Variants in RAPGEF1 observed in about 807,000 individuals in gnomAD.
RAPGEF1 encodes the protein CRK SH3-binding GNRP.
Under a neutral mutation model 143.3 loss-of-function variants are expected in RAPGEF1, and 33 were observed. That is an observed-to-expected ratio of 0.23 (90% CI 0.17 to 0.31). The LOEUF (loss-of-function observed/expected upper bound fraction) is 0.31. RAPGEF1 is among the 10% of genes least tolerant of loss of function. RAPGEF1 has a pLI of 1.00. For synonymous variants in RAPGEF1, 629 were observed against 676.5 expected (o/e 0.93, Z 1.09); for missense variants, 1,199 against 1,645.4 (o/e 0.73, Z 4.69).
chr9:131,727,066 T>C (rs937024449), intron 1 of RAPGEF1, among the ~76,000 whole-genome samples: 2 of 152,146 alleles, frequency 1.3e-5, no homozygotes, highest in African/African-American at 4.8e-5. Flanking sequence ...CATAATTTTT[T>C]TTTAAACCTC....
chr9:131,602,152 G>C lies in RAPGEF1; in HGVS notation c.2413-3C>G, dbSNP rs1956375009. The C allele has an allele frequency of 6.3e-7, 1 of 1,578,048 alleles. No homozygotes were observed. The highest frequency in any genetic ancestry group is 1.3e-5 in the African/African-American group (1 of 74,126). On this transcript the variant is annotated splice_region_variant and splice_polypyrimidine_tract_variant and intron_variant, in intron 14 of 26. Coordinates refer to ENST00000683357, the MANE Select transcript of RAPGEF1 (RefSeq NM_001377935.1). ...CCGTCTTTCCCAGCCGGTGGCTCCT[G>C]GAAAGAGGAGTGGGTGCTGAGTTCT...
In RAPGEF1 at chr9:131,628,236, C is replaced by T. The variant is rs184795443; in HGVS notation, c.1018-140G>A. The T allele has an allele frequency of 1.2e-5, 10 of 853,914 alleles. No homozygotes were observed. The highest frequency in any genetic ancestry group is 3.1e-4 in the Middle Eastern group (1 of 3,202). 52.9% of individuals were successfully genotyped at this position (853,914 alleles called of 1,614,324 possible). On this transcript the variant is annotated intron_variant, in intron 8 of 26. Transcript: ENST00000683357. The surrounding 1 kb of genome is among the most constrained non-coding windows in gnomAD (Gnocchi z 5.7). Reference sequence around the variant, plus strand: ...AGAAACCACCTCTGACGTCAGTAGTCGAAGGACACATACAGCTGAGAAGCA... The same window carrying T: ...AGAAACCACCTCTGACGTCAGTAGTTGAAGGACACATACAGCTGAGAAGCA...
rs1046007370 is a variant in RAPGEF1, at chr9:131,621,761, C to A, written c.1905+35G>T. ...CTGGTTCCTAGAGACCTGCTAGGAT[C>A]GGAAGTTCTAGTCACAAGGGAAGGT... On this transcript the variant is annotated intron_variant, in intron 11 of 26. Coordinates refer to ENST00000683357, the MANE Select transcript of RAPGEF1 (RefSeq NM_001377935.1). This position sits in a 1 kb window ranked among gnomAD's most constrained non-coding sequence, Gnocchi z 4.5. 3.8e-6 allele frequency: 6 copies of A among 1,561,740 alleles called. No individual in the cohort carries two copies. Among genetic ancestry groups the A allele is most frequent in the African/African-American group, 2.7e-5 (2 of 73,894 alleles).
intron 3 of RAPGEF1, among the ~76,000 whole-genome samples, chr9:131,646,919 C>T (rs1334883161): frequency 6.6e-6 from 1 of 152,186 alleles, no homozygotes; most frequent in East Asian, 1.9e-4. Flanking sequence ...ACCAGGCTGT[C>T]CGGCAGCAGC....
intron 24 of RAPGEF1, among the ~76,000 whole-genome samples, 169 bp from the exon 25 acceptor site, chr9:131,582,871 C>A (rs945403288): frequency 5.9e-5 from 9 of 152,182 alleles, no homozygotes; most frequent in African/African-American, 1.9e-4. Flanking sequence ...CTGGCCCTGG[C>A]CAGCAGGGAT....
intron 1 of RAPGEF1, among the ~76,000 whole-genome samples, chr9:131,664,010 T>C (rs982657492): frequency 6.6e-6 from 1 of 152,216 alleles, no homozygotes; most frequent in Non-Finnish European, 1.5e-5. Context: ...CCCCACCCTT[T>C]ACTTTTTTTG....
At position 131,619,034 on chromosome 9, in the gene RAPGEF1, A is replaced by G; in HGVS notation, c.2061+17T>C. 2 of 1,353,606 alleles carry G rather than the reference A, an allele frequency of 1.5e-6. No homozygotes were observed. Among genetic ancestry groups the G allele is most frequent in the Admixed American group, 2.0e-5 (1 of 50,772 alleles). 83.8% of individuals were successfully genotyped at this position (1,353,606 alleles called of 1,614,324 possible). A position where few individuals can be genotyped will look rare whatever the true frequency, so the allele number is the denominator to read the frequency against. ...GTTCACGCGTTTCCAAGTAAAGAAC[A>G]GCAGGGAGCAACTCACCGAGGGCAC... On this transcript the variant is annotated intron_variant, in intron 12 of 26. Transcript: ENST00000683357.
At chr9:131,694,949 T>TCCC (rs1473982597) in intron 1 of RAPGEF1, among the ~76,000 whole-genome samples, 1 of 88,486 alleles carries the variant, frequency 1.1e-5, no homozygotes, top group Non-Finnish European at 2.2e-5. Context: ...CCCTTCCCCC[T>TCCC]CCCCCCACCC....
chr9:131,599,420 CTTTTTTTTTT>C (rs71374115), intron 15 of RAPGEF1, among the ~76,000 whole-genome samples: 4 of 131,458 alleles, frequency 3.0e-5, no homozygotes, highest in African/African-American at 1.1e-4. Context: ...CGTGCCCAGT[CTTTTTTTTTT>C]TTTTTTTTGA....
At chr9:131,605,270 G>T in intron 12 of RAPGEF1, 82 bp from the exon 13 acceptor site, 1 of 1,134,624 alleles carries the variant, frequency 8.8e-7, no homozygotes, top group Non-Finnish European at 1.1e-6. Context: ...CAGTAGCTGA[G>T]CAGTGACAGG....
At position 131,638,624 on chromosome 9, in the gene RAPGEF1, T is replaced by C. The variant is rs41317002; in HGVS notation, c.651+11A>G. 149,478 of 1,613,606 alleles carry C rather than the reference T, an allele frequency of 0.093. 7,739 individuals carry two copies. Among genetic ancestry groups the C allele is most frequent in the Middle Eastern group, 0.22 (1,355 of 6,060 alleles). Reference sequence around the variant, plus strand: ...TCCCTGACTGGGACTGTCTGGAACCTGCACCGGTACCTTCACTCCATCCAG... The same window carrying C: ...TCCCTGACTGGGACTGTCTGGAACCCGCACCGGTACCTTCACTCCATCCAG... On this transcript the variant is annotated intron_variant, in intron 5 of 26. Transcript: ENST00000683357.
intron 16 of RAPGEF1, among the ~76,000 whole-genome samples, chr9:131,597,533 G>A (rs1955510505): frequency 6.6e-6 from 1 of 152,186 alleles, no homozygotes; most frequent in African/African-American, 2.4e-5. Flanking sequence ...TTGCCTCCTG[G>A]TGCGGGCCAA....
chr9:131,596,755 A>G (rs979372113), intron 16 of RAPGEF1, among the ~76,000 whole-genome samples: 3 of 152,306 alleles, frequency 2.0e-5, no homozygotes, highest in African/African-American at 7.2e-5. Context: ...GGGGCAAGAC[A>G]GTCCCCAGCC....
intron 3 of RAPGEF1, among the ~76,000 whole-genome samples, chr9:131,645,560 C>T (rs1969343237): frequency 6.6e-6 from 1 of 152,258 alleles, no homozygotes; most frequent in Non-Finnish European, 1.5e-5. Context: ...TCAGATTCTA[C>T]TCCCAGAATT....
intron 1 of RAPGEF1, among the ~76,000 whole-genome samples, chr9:131,722,679 T>A (rs1411027433): frequency 1.3e-5 from 2 of 152,162 alleles, no homozygotes; most frequent in Non-Finnish European, 2.9e-5. Context: ...TGGGTCCCCA[T>A]CCAGAGGTGC....
Position 131,710,181 on chromosome 9 carries a change from C to T in RAPGEF1, c.61+29589G>A, listed in dbSNP as rs147070330. On this transcript the variant is annotated intron_variant, in intron 1 of 26. Coordinates refer to ENST00000683357, the MANE Select transcript of RAPGEF1 (RefSeq NM_001377935.1). ...ATGCCACGCCTTCTATTTCAGAGTC[C>T]CACGCTCAGACCAGTGTGCACCACG... is the stretch of plus-strand genomic sequence containing the variant. 6.6e-5 allele frequency among the ~76,000 whole-genome samples: 10 copies of T among 152,208 alleles called. No homozygotes were observed. The East Asian group carries it at 1.9e-3, about 29-fold the overall frequency.
chr9:131,684,003 G>C (rs1037547334), intron 1 of RAPGEF1, among the ~76,000 whole-genome samples: 2 of 152,222 alleles, frequency 1.3e-5, no homozygotes, highest in African/African-American at 2.4e-5. Context: ...CGATCGCCTA[G>C]TTGCTAATGA....
At chr9:131,701,079 C>T (rs966017399) in intron 1 of RAPGEF1, among the ~76,000 whole-genome samples, 4 of 152,176 alleles carry the variant, frequency 2.6e-5, no homozygotes, top group Middle Eastern at 3.4e-3. Flanking sequence ...CATCTGAAAT[C>T]AAGTGCCTTA....
In RAPGEF1 at chr9:131,583,468, C is replaced by T. The variant is rs867248062; in HGVS notation, c.3415-766G>A. Among the ~76,000 whole-genome samples, 6 of 150,446 alleles carry T rather than the reference C, an allele frequency of 4.0e-5. No homozygotes were observed. Among genetic ancestry groups the T allele is most frequent in the Non-Finnish European group, 8.9e-5 (6 of 67,544 alleles). ...GGTCACACTCGGGTTCCTGACACGACCCCCAGGTGGCCTGGCTGACGCTCG... is the reference window on the plus strand; with the variant it reads ...GGTCACACTCGGGTTCCTGACACGATCCCCAGGTGGCCTGGCTGACGCTCG... On this transcript the variant is annotated intron_variant, in intron 24 of 26. Transcript: ENST00000683357. The surrounding 1 kb of genome is among the most constrained non-coding windows in gnomAD (Gnocchi z 4.7).
Sources: gnomAD v4.1 joint callset for allele counts (sites outside exome capture counted in the v4.1 genomes callset) on GRCh38, gnomAD v4.1.1 for gene constraint, Gnocchi (gnomAD v3.1) non-coding constraint, MANE v1.5 for transcripts, NCBI Gene and HGNC (gene_info 2026-07-23, HGNC 2026-07-21) for gene names.